The following CFAP46 variants were observed in gnomAD, a reference collection of about 807,000 sequenced individuals.
CFAP46 encodes cilia and flagella associated protein 46.
CFAP46 carries 245 observed loss-of-function variants against 325.7 expected under a neutral mutation model. That is an observed-to-expected ratio of 0.75 (90% CI 0.68 to 0.84). CFAP46 has a LOEUF of 0.84. Among genes scored for constraint, CFAP46 ranks in the 40% least tolerant of loss-of-function variants. The pLI is 0.00. For missense variants in CFAP46, 3,346 were observed against 3,543.0 expected (o/e 0.94, Z 1.41); for synonymous variants, 1,523 against 1,495.9 (o/e 1.02, Z -0.42).
Position 132,847,407 on chromosome 10 carries a change from G to A in CFAP46, c.5953-86C>T. On this transcript the variant is annotated intron_variant, in intron 41 of 57. Coordinates refer to ENST00000368586, the MANE Select transcript of CFAP46 (RefSeq NM_001200049.3). The surrounding 1 kb of genome is among the most constrained non-coding windows in gnomAD (Gnocchi z 5.2). ...GGGCCCACCCAGGGAGGCCGGGGTG[G>A]TCGGGCTCCTCAGCAGGGTCCCCGG... 1 of 1,543,754 alleles carries A rather than the reference G, an allele frequency of 6.5e-7. No individual in the cohort carries two copies. Among genetic ancestry groups the A allele is most frequent in the Non-Finnish European group, 8.8e-7 (1 of 1,130,138 alleles).
At chr10:132,924,919 T>A in intron 10 of CFAP46, 33 bp from the exon 11 acceptor site, 1 of 1,359,680 alleles carries the variant, frequency 7.4e-7, no homozygotes, top group Non-Finnish European at 9.5e-7. Context: ...TCTAGGGAGG[T>A]TGCTGGCTCG....
intron 25 of CFAP46, among the ~76,000 whole-genome samples, chr10:132,887,307 T>C (rs1442246812): frequency 4.2e-5 from 4 of 95,350 alleles, no homozygotes; most frequent in African/African-American, 1.4e-4. Flanking sequence ...CTCTCCCCTC[T>C]TCTCTCCCCT....
chr10:132,825,051 T>A (rs1233607190), intron 50 of CFAP46, among the ~76,000 whole-genome samples: 7 of 143,452 alleles, frequency 4.9e-5, no homozygotes, highest in Admixed American at 2.1e-4. Flanking sequence ...ATGTGTGCTG[T>A]GTGTGCGCTG....
Position 132,851,200 on chromosome 10 carries a change from C to G in CFAP46, c.5680G>C (p.Gly1894Arg). The change falls in exon 40 of 58, where the codon GGG (glycine) becomes CGG (arginine). Residue 1894 changes from glycine to arginine, a missense_variant. Physicochemically the swap from Gly to Arg is moderately radical, Grantham distance 125. Transcript: ENST00000368586. ...MLQFIWEEAH[G>R]QQSEQGSLEK... ...AGGGACCCCTGCTCACTCTGCTGCC[C>G]GTGGGCCTCCTCCCAGATGAACTGG... 6.2e-7 allele frequency: 1 copy of G among 1,614,122 alleles called. No individual in the cohort carries two copies. The highest frequency in any genetic ancestry group is 8.5e-7 in the Non-Finnish European group (1 of 1,180,044).
chr10:132,811,228 G>A (rs1847576116), intron 55 of CFAP46, among the ~76,000 whole-genome samples, 197 bp from the exon 56 acceptor site: 1 of 152,206 alleles, frequency 6.6e-6, no homozygotes, highest in South Asian at 2.1e-4. Flanking sequence ...CCAGCCTCAG[G>A]AGCCCAGACC....
rs1210129231 is a variant in CFAP46, at chr10:132,916,509, GCC to G, written c.2120+38_2120+39del. The G allele has an allele frequency of 9.8e-6, 15 of 1,535,354 alleles. No homozygotes were observed. The Middle Eastern group carries it at 6.9e-4, about 71-fold the overall frequency. ...AGTGCAGGGGACACTCTGACCCACG[GCC>G]CCGGGCGGTGCTCAAGGCCACTGTC... On this transcript the variant is annotated intron_variant, in intron 17 of 57. Coordinates refer to ENST00000368586, the MANE Select transcript of CFAP46 (RefSeq NM_001200049.3).
At chr10:132,898,889 T>G in intron 24 of CFAP46, 70 bp downstream of exon 24, 1 of 1,522,936 alleles carries the variant, frequency 6.6e-7, no homozygotes, top group Non-Finnish European at 8.9e-7. Context: ...TGGGAGTCTC[T>G]CCGGTCCTTT....
rs1848083483 is a variant in CFAP46 at position 132,827,791 on chromosome 10, C to T, written c.7117+5567G>A. Among the ~76,000 whole-genome samples, 1 of 151,900 alleles carries T rather than the reference C, an allele frequency of 6.6e-6. No individual in the cohort carries two copies. Among genetic ancestry groups the T allele is most frequent in the Non-Finnish European group, 1.5e-5 (1 of 67,974 alleles). On this transcript the variant is annotated intron_variant, in intron 50 of 57. Coordinates refer to ENST00000368586, the MANE Select transcript of CFAP46 (RefSeq NM_001200049.3). This position sits in a 1 kb window ranked among gnomAD's most constrained non-coding sequence, Gnocchi z 5.7. The stretch of plus-strand genomic sequence containing the variant: ...ACTTCTCCTGCAGCCCCAGCCCCCA[C>T]CCCCAGGAAGCAACTTACCTGCCTT...
At chr10:132,926,312 AGAGG>A (rs1285632844) in intron 10 of CFAP46, among the ~76,000 whole-genome samples, 1 of 152,194 alleles carries the variant, frequency 6.6e-6, no homozygotes, top group Non-Finnish European at 1.5e-5. Flanking sequence ...GAGGAGGGTC[AGAGG>A]GAGTCGCATC....
rs1482562988 is a variant in CFAP46 at position 132,939,296 on chromosome 10, C to T, written c.372-543G>A. On this transcript the variant is annotated intron_variant, in intron 4 of 57. Transcript: ENST00000368586. This position sits in a 1 kb window ranked among gnomAD's most constrained non-coding sequence, Gnocchi z 4.6. ...AGGAACCTTTGGGAAACAAAGTTCC[C>T]GTCTGCCAGCATAGAGTGTGAAGTG... Among the ~76,000 whole-genome samples the T allele has an allele frequency of 1.3e-5, 2 of 152,146 alleles. No individual in the cohort carries two copies. The highest frequency in any genetic ancestry group is 6.5e-5 in the Admixed American group (1 of 15,288).
At chr10:132,885,794 C>G in intron 26 of CFAP46, 27 bp downstream of exon 26, 1 of 1,529,976 alleles carries the variant, frequency 6.5e-7, no homozygotes, top group Non-Finnish European at 8.8e-7. Flanking sequence ...GGAGGGAGCA[C>G]TCACAGGCGG....
chr10:132,908,344 G>A (rs1183254854), intron 22 of CFAP46, 124 bp downstream of exon 22: 23 of 1,219,466 alleles, frequency 1.9e-5, no homozygotes, highest in Admixed American at 4.3e-5. Context: ...GCCCAGGCCC[G>A]CGCTCCCTGC....
chr10:132,875,569 C>A (rs1040592595), intron 31 of CFAP46, among the ~76,000 whole-genome samples: 5 of 152,284 alleles, frequency 3.3e-5, no homozygotes, highest in Non-Finnish European at 5.9e-5. Context: ...CCCAAAGCAG[C>A]CCCATGCACA....
chr10:132,824,446 ATGTGTGC>A (rs1847987233), intron 50 of CFAP46, among the ~76,000 whole-genome samples: 1 of 81,038 alleles, frequency 1.2e-5, no homozygotes, highest in Non-Finnish European at 2.3e-5. Flanking sequence ...CTGTGTGCTG[ATGTGTGC>A]TGTGTGCTGA....
At chr10:132,915,560 T>C (rs1171723312) in intron 17 of CFAP46, among the ~76,000 whole-genome samples, 1 of 151,270 alleles carries the variant, frequency 6.6e-6, no homozygotes, top group Non-Finnish European at 1.5e-5. Flanking sequence ...CGGGGCGCCG[T>C]GCCCAGCTTC....
rs1317926995 is a variant in CFAP46, at chr10:132,880,866, G to A, written c.3794C>T (p.Pro1265Leu). The A allele has an allele frequency of 3.7e-5, 57 of 1,547,442 alleles. No individual in the cohort carries two copies. The Admixed American group carries it at 5.1e-4, about 14-fold the overall frequency. ...PGDVPEPQPT[P>L]DGEYVAVEMP... ...TGCCAGCGGCGTGGGCTCACCATCCGGCGTGGGCTGTGGCTCAGGGACATC... is the reference window on the plus strand; with the variant it reads ...TGCCAGCGGCGTGGGCTCACCATCCAGCGTGGGCTGTGGCTCAGGGACATC... The change falls in exon 28 of 58, where the codon CCG (proline) becomes CTG (leucine). Residue 1265 changes from proline (P) to leucine (L), a missense_variant. Coordinates refer to ENST00000368586, the MANE Select transcript of CFAP46 (RefSeq NM_001200049.3).
chr10:132,875,991 G>A (rs1046640839), intron 31 of CFAP46, among the ~76,000 whole-genome samples: 1 of 152,210 alleles, frequency 6.6e-6, no homozygotes, highest in African/African-American at 2.4e-5. Flanking sequence ...TGATTTTCCA[G>A]AATAAAGGAT....
chr10:132,824,915 C>G, intron 50 of CFAP46, among the ~76,000 whole-genome samples: 1 of 120,156 alleles, frequency 8.3e-6, no homozygotes, highest in South Asian at 2.9e-4. Flanking sequence ...CTAATGTGTG[C>G]TGTGTGTGCT....
At chr10:132,849,430 A>G (rs1281245327) in intron 41 of CFAP46, among the ~76,000 whole-genome samples, 2 of 152,156 alleles carry the variant, frequency 1.3e-5, no homozygotes, top group Non-Finnish European at 2.9e-5. Context: ...TGGTTGCTCC[A>G]GTCCCTGAGG....
Sources: gnomAD v4.1 joint callset for allele counts (sites outside exome capture counted in the v4.1 genomes callset) on GRCh38, gnomAD v4.1.1 for gene constraint, Gnocchi (gnomAD v3.1) non-coding constraint, MANE v1.5 for transcripts, NCBI Gene and HGNC (gene_info 2026-07-23, HGNC 2026-07-21) for gene names.